The following CORO2A variants were observed in gnomAD, a reference collection of about 807,000 sequenced individuals.
CORO2A encodes the protein coronin-2A.
In CORO2A, 47 loss-of-function variants were observed where a neutral mutation model predicts 62.4. The observed-to-expected ratio is 0.75, with a 90% CI of 0.60 to 0.96. The LOEUF is 0.96. CORO2A is among the 40% of genes least tolerant of loss of function. CORO2A has a pLI of 0.00. For synonymous variants in CORO2A, 273 were observed against 268.9 expected (o/e 1.02, Z -0.15); for missense variants, 610 against 684.1 (o/e 0.89, Z 1.21).
At chr9:98,153,396 C>T (rs182931477) in intron 2 of CORO2A, among the ~76,000 whole-genome samples, 240 of 150,382 alleles carry the variant, frequency 1.6e-3, no homozygotes, top group African/African-American at 5.6e-3. Context: ...CCAGCGCATC[C>T]GGCTGATAAC....
chr9:98,161,869 C>T (rs566648654), intron 1 of CORO2A, among the ~76,000 whole-genome samples: 5 of 152,276 alleles, frequency 3.3e-5, no homozygotes, highest in Admixed American at 1.3e-4. Flanking sequence ...TGTCTCCCTC[C>T]ACAGCCTGTC....
intron 2 of CORO2A, among the ~76,000 whole-genome samples, chr9:98,141,864 G>A (rs1333297903): frequency 6.6e-6 from 1 of 152,164 alleles, no homozygotes; most frequent in Non-Finnish European, 1.5e-5. Context: ...CCAACAGTCA[G>A]GTGTTACTGT....
chr9:98,141,761 GCC>G (rs1827572028), intron 2 of CORO2A, among the ~76,000 whole-genome samples: 1 of 152,284 alleles, frequency 6.6e-6, no homozygotes, highest in Admixed American at 6.5e-5. Context: ...CATTTTGCAA[GCC>G]TCTTTTTCCT....
At chr9:98,185,999 G>A (rs1460944981) in intron 1 of CORO2A, among the ~76,000 whole-genome samples, 1 of 152,242 alleles carries the variant, frequency 6.6e-6, no homozygotes, top group Non-Finnish European at 1.5e-5. Flanking sequence ...GGGCTGGCTA[G>A]AGGGACAAGA....
intron 1 of CORO2A, among the ~76,000 whole-genome samples, chr9:98,190,818 G>C (rs913313353): frequency 6.6e-6 from 1 of 152,174 alleles, no homozygotes; most frequent in Non-Finnish European, 1.5e-5. Flanking sequence ...CCTGTGCGTC[G>C]GAGCTGGGCT....
In CORO2A at chr9:98,129,837, G is replaced by A. The variant is rs1197909606; in HGVS notation, c.924C>T (p.Ser308=). 6.2e-7 allele frequency: 1 copy of A among 1,614,152 alleles called. No individual in the cohort carries two copies. The stretch of plus-strand genomic sequence containing the variant: ...TATAGGAGCGGTACTCAGTCAGGTA[G>A]CTCAGGTGAGGCTTGTCGGCGCTCA... ...YEVSADKPHL[S]YLTEYRSYNP... is the part of the protein sequence containing the mutation. The change falls in exon 8 of 12, where the codon AGC becomes AGT. Residue 308 remains serine (S), a synonymous_variant. Transcript: ENST00000375077.
intron 1 of CORO2A, among the ~76,000 whole-genome samples, chr9:98,163,782 CAGAG>C (rs1178703138): frequency 1.5e-5 from 2 of 133,022 alleles, no homozygotes; most frequent in Non-Finnish European, 3.4e-5. Flanking sequence ...GAGAAAGAGA[CAGAG>C]AGAGTTTCCT....
At chr9:98,155,342 A>ATTTTTTT (rs11379239) in intron 2 of CORO2A, among the ~76,000 whole-genome samples, 7 of 101,856 alleles carry the variant, frequency 6.9e-5, no homozygotes, top group Non-Finnish European at 9.5e-5. Context: ...TTATTGCTCA[A>ATTTTTTT]TTTTTTTTTT....
chr9:98,188,671 T>C (rs1023352330), intron 1 of CORO2A, among the ~76,000 whole-genome samples: 4 of 152,018 alleles, frequency 2.6e-5, no homozygotes, highest in East Asian at 3.9e-4. Flanking sequence ...GGCTGAGGCA[T>C]GAGAATCACT....
At chr9:98,134,298 C>T (rs769098076) in intron 4 of CORO2A, among the ~76,000 whole-genome samples, 1 of 152,150 alleles carries the variant, frequency 6.6e-6, no homozygotes, top group Non-Finnish European at 1.5e-5. Context: ...CTACTGCCTG[C>T]ATGCTTGATT....
chr9:98,127,684 C>T (rs1209483894), intron 10 of CORO2A, among the ~76,000 whole-genome samples: 2 of 151,776 alleles, frequency 1.3e-5, no homozygotes, highest in South Asian at 2.1e-4. Context: ...CATGGTGGCA[C>T]GTGCCTGTAG....
chr9:98,123,818 GTTAA>G lies in CORO2A; in HGVS notation c.*952_*955del. 6.6e-6 allele frequency: 1 copy of G among 152,190 alleles called. No individual in the cohort carries two copies. Among genetic ancestry groups the G allele is most frequent in the South Asian group, 2.1e-4 (1 of 4,818 alleles). The allele number at this position is 152,190 out of a possible 1,614,324, so 9.4% of individuals were successfully genotyped here. A position where few individuals can be genotyped will look rare whatever the true frequency, so the allele number is the denominator to read the frequency against. On this transcript the variant is annotated 3_prime_UTR_variant, in exon 12 of 12. Transcript: ENST00000375077. ...TTACAGGCATGCACCACCATGCCTGGTTAATTTTTTATTTTTAGTGGAGACGGGG... is the reference window on the plus strand; with the variant it reads ...TTACAGGCATGCACCACCATGCCTGGTTTTTTATTTTTAGTGGAGACGGGG...
rs1827461131 is a variant in CORO2A at position 98,134,795 on chromosome 9, C to T, written c.468+11G>A. 6.3e-7 allele frequency: 1 copy of T among 1,599,470 alleles called. No homozygotes were observed. ...TTGGGGCTGCCCCAGAGAAAGAATACCCAGACTCACCTTGTAGTCATAGCC... is the reference window on the plus strand; with the variant it reads ...TTGGGGCTGCCCCAGAGAAAGAATATCCAGACTCACCTTGTAGTCATAGCC... On this transcript the variant is annotated intron_variant, in intron 4 of 11. Transcript: ENST00000375077.
In CORO2A at chr9:98,126,502, C is replaced by T. The variant is rs773410910; in HGVS notation, c.1446+47G>A. 5 of 1,586,164 alleles carry T rather than the reference C, an allele frequency of 3.2e-6. No homozygotes were observed. The South Asian group carries it at 5.8e-5, about 18-fold the overall frequency. On this transcript the variant is annotated intron_variant, in intron 11 of 11. Transcript: ENST00000375077. ...TTCTCAGCCTGGATCTGTTCCCCTC[C>T]ACCCCAGCTGCCCCATGTGAAAGGC...
chr9:98,160,267 G>C (rs1009989823), intron 1 of CORO2A, among the ~76,000 whole-genome samples: 2 of 152,084 alleles, frequency 1.3e-5, no homozygotes, highest in African/African-American at 4.8e-5. Context: ...CAAGATAGAA[G>C]GAAATGAAAA....
intron 1 of CORO2A, 147 bp from the exon 2 acceptor site, chr9:98,157,807 C>T: frequency 1.5e-6 from 1 of 676,098 alleles, no homozygotes; most frequent in East Asian, 2.7e-5. Context: ...GAAGGGCAAA[C>T]AAGTGAAAAG....
At chr9:98,174,362 A>G (rs1303451263) in intron 1 of CORO2A, among the ~76,000 whole-genome samples, 1 of 152,230 alleles carries the variant, frequency 6.6e-6, no homozygotes, top group East Asian at 1.9e-4. Context: ...GTGCTCAGCC[A>G]GGTGTTAGTC....
chr9:98,144,516 T>A (rs1827616397), intron 2 of CORO2A, among the ~76,000 whole-genome samples: 1 of 152,202 alleles, frequency 6.6e-6, no homozygotes, highest in South Asian at 2.1e-4. Flanking sequence ...ATGCAGGTGA[T>A]GGCAGAGATG....
At chr9:98,174,767 T>C (rs764819089) in intron 1 of CORO2A, among the ~76,000 whole-genome samples, 2 of 152,166 alleles carry the variant, frequency 1.3e-5, no homozygotes, top group Non-Finnish European at 2.9e-5. Context: ...GTAAGTTTCC[T>C]GAGGCTCCCC....
Sources: allele counts gnomAD v4.1 joint callset (sites outside exome capture counted in the v4.1 genomes callset), GRCh38; gene constraint gnomAD v4.1.1; transcripts MANE v1.5; gene names NCBI Gene and HGNC (gene_info 2026-07-23, HGNC 2026-07-21).